Variants in CANX observed in about 807,000 individuals in gnomAD.
CANX encodes the protein calnexin.
In CANX, 14 loss-of-function variants were observed where a neutral mutation model predicts 75.7. That is an observed-to-expected ratio of 0.19 (90% confidence interval 0.12 to 0.29). The LOEUF (loss-of-function observed/expected upper bound fraction) is 0.29, where lower values mean the gene tolerates loss of function less well. Ranked by LOEUF, CANX falls within the 10% of genes least tolerant of loss-of-function variation. The pLI, the probability that CANX is intolerant of heterozygous loss-of-function variation, is 1.00. For synonymous variants in CANX, 227 were observed against 236.9 expected (o/e 0.96, Z 0.38); for missense variants, 567 against 713.2 (o/e 0.79, Z 2.34).
Position 179,706,630 on chromosome 5 carries a change from T to C in CANX, c.245+299T>C, listed in dbSNP as rs1777158782. On this transcript the variant is annotated intron_variant, in intron 3 of 14. Coordinates refer to ENST00000247461, the MANE Select transcript of CANX (RefSeq NM_001746.4). ...GCTAATTTGTGTGTGTGTGTTGTTA[T>C]TTTTTTAGTAGAGATGGGGTTTTGA... is the stretch of plus-strand genomic sequence containing the variant. Among the ~76,000 whole-genome samples, 4 of 151,998 alleles carry C rather than the reference T, an allele frequency of 2.6e-5. No homozygotes were observed. In the South Asian group the frequency reaches 6.2e-4, roughly 24 times the overall value.
At position 179,728,857 on chromosome 5, in the gene CANX, A is replaced by G. The variant is rs1778833421; in HGVS notation, c.*213A>G. 1 of 647,912 alleles carries G rather than the reference A, an allele frequency of 1.5e-6. No homozygotes were observed. Among genetic ancestry groups the G allele is most frequent in the Non-Finnish European group, 2.8e-6 (1 of 352,684 alleles). 40.1% of individuals were successfully genotyped at this position (647,912 alleles called of 1,614,324 possible). ...ATAAAGGACCCTGTTTCTGTAGAAA[A>G]GAAAACATTTAACATAATGGTTGTG... is the stretch of plus-strand genomic sequence containing the variant. On this transcript the variant is annotated 3_prime_UTR_variant, in exon 15 of 15. Coordinates refer to ENST00000247461, the MANE Select transcript of CANX (RefSeq NM_001746.4).
intron 1 of CANX, among the ~76,000 whole-genome samples, chr5:179,704,993 G>A (rs1777031611): frequency 6.6e-6 from 1 of 151,828 alleles, no homozygotes; most frequent in Admixed American, 6.6e-5. Flanking sequence ...ATTATCTTCT[G>A]TGTTAATTTT....
intron 10 of CANX, among the ~76,000 whole-genome samples, chr5:179,722,496 C>T (rs564804042): frequency 6.6e-6 from 1 of 152,298 alleles, no homozygotes; most frequent in Admixed American, 6.5e-5. Context: ...CTGACTTATG[C>T]TCCCACTCTC....
Position 179,722,756 on chromosome 5 carries a change from T to C in CANX, c.1183-48T>C, listed in dbSNP as rs201521666. 1.8e-5 allele frequency: 24 copies of C among 1,347,836 alleles called. No individual in the cohort carries two copies. In the South Asian group the frequency reaches 2.6e-4, roughly 14 times the overall value. The allele number at this position is 1,347,836 out of a possible 1,614,324, so 83.5% of individuals were successfully genotyped here. A position where few individuals can be genotyped will look rare whatever the true frequency, so the allele number is the denominator to read the frequency against. The stretch of plus-strand genomic sequence containing the variant: ...CTTACGGTAGATTCACCATAAACTT[T>C]TGTTGATCATTATCTGAAATGATTT... On this transcript the variant is annotated intron_variant, in intron 10 of 14. Coordinates refer to ENST00000247461, the MANE Select transcript of CANX (RefSeq NM_001746.4).
intron 8 of CANX, among the ~76,000 whole-genome samples, chr5:179,718,362 G>T (rs1050217243): frequency 6.6e-6 from 1 of 152,054 alleles, no homozygotes; most frequent in Non-Finnish European, 1.5e-5. Flanking sequence ...AAGTAGCTGG[G>T]ACTACAAGCG....
At chr5:179,690,868 G>T (rs1776288345) in intron 1 of CANX, among the ~76,000 whole-genome samples, 1 of 151,526 alleles carries the variant, frequency 6.6e-6, no homozygotes, top group African/African-American at 2.4e-5. Flanking sequence ...CAGCCTGGGC[G>T]ACAGAGTGAG....
rs200273574 is a variant in CANX, at chr5:179,683,380, A to G, written c.-4+4603A>G. On this transcript the variant is annotated intron_variant, in intron 1 of 14. Coordinates refer to the CANX transcript ENST00000681674. The stretch of plus-strand genomic sequence containing the variant: ...GATCTCCTGACCTTGTGATCCGCCC[A>G]CCTCAGCCTCCCAAAGTGCTGGGAT... Among the ~76,000 whole-genome samples, 33 of 151,616 alleles carry G rather than the reference A, an allele frequency of 2.2e-4. No homozygotes were observed. In the East Asian group the frequency reaches 2.9e-3, roughly 13 times the overall value.
At chr5:179,679,518 G>C (rs1225914292) in intron 1 of CANX, among the ~76,000 whole-genome samples, 1 of 152,192 alleles carries the variant, frequency 6.6e-6, no homozygotes, top group Non-Finnish European at 1.5e-5. Flanking sequence ...CTTGTTCTGA[G>C]TTGCAGCTGG....
Position 179,722,963 on chromosome 5 carries a change from G to A in CANX, c.1342G>A (p.Asp448Asn). 1 of 1,614,164 alleles carries A rather than the reference G, an allele frequency of 6.2e-7. No individual in the cohort carries two copies. Among genetic ancestry groups the A allele is most frequent in the Non-Finnish European group, 8.5e-7 (1 of 1,180,026 alleles). ...FIICADRRIV[D>N]DWANDGWGLK... Reference sequence around the variant, plus strand: ...CATTTGTGCTGATCGAAGAATAGTTGATGATTGGGCCAATGATGGATGGGG... The same window carrying A: ...CATTTGTGCTGATCGAAGAATAGTTAATGATTGGGCCAATGATGGATGGGG... The change falls in exon 11 of 15, where the codon GAT becomes AAT. Residue 448 changes from aspartate to asparagine, a missense_variant. Transcript: ENST00000247461.
intron 8 of CANX, among the ~76,000 whole-genome samples, chr5:179,718,645 C>T (rs1778119907): frequency 2.0e-5 from 3 of 152,196 alleles, no homozygotes; most frequent in Non-Finnish European, 1.5e-5. Flanking sequence ...TCTCCTGCCT[C>T]AGCCTCCTGA....
upstream of CANX, chr5:179,694,466 G>T (rs1776355083): frequency 4.2e-6 from 3 of 715,058 alleles, no homozygotes; most frequent in Non-Finnish European, 7.6e-6. Flanking sequence ...CCCCCAAAAG[G>T]CCACCATCTG....
chr5:179,707,077 T>G, intron 3 of CANX, 55 bp from the exon 4 acceptor site: 1 of 1,022,478 alleles, frequency 9.8e-7, no homozygotes, highest in South Asian at 1.3e-5. Flanking sequence ...TACATAATTT[T>G]CCCTCACAAG....
At chr5:179,687,325 G>A (rs747927041) in intron 1 of CANX, among the ~76,000 whole-genome samples, 41 of 150,980 alleles carry the variant, frequency 2.7e-4, no homozygotes, top group Non-Finnish European at 3.8e-4. Flanking sequence ...GGATGGTCTC[G>A]ATCTCCTGGC....
chr5:179,725,945 G>T (rs1234998984), intron 13 of CANX, among the ~76,000 whole-genome samples: 3 of 147,562 alleles, frequency 2.0e-5, no homozygotes, highest in African/African-American at 7.6e-5. Context: ...CCGAGATTGC[G>T]CCACTGCACT....
chr5:179,698,700 C>T, upstream of CANX: 1 of 922,204 alleles, frequency 1.1e-6, no homozygotes, highest in Non-Finnish European at 1.5e-6. Context: ...GAGACGCGCG[C>T]GCCCGGCGGT....
intron 11 of CANX, 58 bp from the exon 12 acceptor site, chr5:179,723,602 C>A: frequency 6.3e-7 from 1 of 1,584,700 alleles, no homozygotes; most frequent in Admixed American, 1.8e-5. Context: ...AAAAACAGCA[C>A]GGCCTATGTT....
upstream of CANX, among the ~76,000 whole-genome samples, chr5:179,695,953 A>T (rs1235570227): frequency 6.6e-6 from 1 of 151,844 alleles, no homozygotes; most frequent in Non-Finnish European, 1.5e-5. Context: ...TTATTTTTTT[A>T]GACAGGGTGT....
chr5:179,709,352 T>TG (rs1309440515), intron 6 of CANX, among the ~76,000 whole-genome samples: 1 of 151,670 alleles, frequency 6.6e-6, no homozygotes, highest in Non-Finnish European at 1.5e-5. Flanking sequence ...AGGCGGAACT[T>TG]GCAGTGAGCC....
rs1162894407 is a variant in CANX at position 179,730,607 on chromosome 5, C to G, written c.*1963C>G. ...ATCATTAGAGCTTAAATTGTCAGAT[C>G]GTTCATTGCCTTTCCAGGGTTATTT... On this transcript the variant is annotated 3_prime_UTR_variant, in exon 15 of 15. Transcript: ENST00000247461. 1 of 152,108 alleles carries G rather than the reference C, an allele frequency of 6.6e-6. No homozygotes were observed. The highest frequency in any genetic ancestry group is 6.6e-5 in the Admixed American group (1 of 15,256). 9.4% of individuals were successfully genotyped at this position (152,108 alleles called of 1,614,324 possible).
Sources: allele counts gnomAD v4.1 joint callset (sites outside exome capture counted in the v4.1 genomes callset), GRCh38; gene constraint gnomAD v4.1.1; transcripts MANE v1.5; gene names NCBI Gene and HGNC (gene_info 2026-07-23, HGNC 2026-07-21).